The following CSF3R variants were observed in gnomAD, a reference collection of about 807,000 sequenced individuals.
CSF3R encodes the protein colony stimulating factor 3 receptor, also known as granulocyte colony-stimulating factor receptor.
In CSF3R, 52 loss-of-function variants were observed where a neutral mutation model predicts 84.4. The observed-to-expected ratio is 0.62, with a 90% CI of 0.49 to 0.78. The LOEUF (loss-of-function observed/expected upper bound fraction) is 0.78. Among genes scored for constraint, CSF3R ranks in the 30% least tolerant of loss-of-function variants. CSF3R has a pLI of 0.00. For synonymous variants in CSF3R, 384 were observed against 429.1 expected (o/e 0.89, Z 1.30); for missense variants, 890 against 1,055.7 (o/e 0.84, Z 2.17).
chr1:36,475,706 C>A, intron 3 of CSF3R, 33 bp from the exon 4 acceptor site: 2 of 1,592,864 alleles, frequency 1.3e-6, no homozygotes, highest in Non-Finnish European at 1.7e-6. Context: ...AGGAACGACG[C>A]CTCTGCCTAG....
intron 12 of CSF3R, 91 bp downstream of exon 12, chr1:36,469,065 A>G (rs566320564): frequency 1.3e-5 from 12 of 926,172 alleles, no homozygotes; most frequent in Middle Eastern, 3.1e-4. Flanking sequence ...TAGGAAGGCA[A>G]TGTTCCCTAT....
intron 9 of CSF3R, 55 bp from the exon 10 acceptor site, chr1:36,471,701 G>A: frequency 6.3e-7 from 1 of 1,582,278 alleles, no homozygotes; most frequent in South Asian, 1.1e-5. Context: ...CTTGAGTCAA[G>A]GAGAGCCTCT....
rs760172101 is a variant in CSF3R, at chr1:36,468,155, A to T, written c.1643T>A (p.Val548Glu). ...IGKTWAQLEW[V>E]PEPPELGKSP... Reference sequence around the variant, plus strand: ...CTTCCCCAGCTCAGGGGGCTCAGGCACCCACTCCAGCTGTGCCCAGGTCTT... The same window carrying T: ...CTTCCCCAGCTCAGGGGGCTCAGGCTCCCACTCCAGCTGTGCCCAGGTCTT... Residue 548 changes from valine to glutamate, a missense_variant, in exon 13 of 17, where the codon GTG becomes GAG. Physicochemically the swap from Val to Glu is moderately radical, Grantham distance 121 (BLOSUM62 -2). Coordinates refer to ENST00000373106, the MANE Select transcript of CSF3R (RefSeq NM_000760.4). The T allele has an allele frequency of 1.2e-6, 2 of 1,613,472 alleles. No homozygotes were observed. Among genetic ancestry groups the T allele is most frequent in the South Asian group, 2.2e-5 (2 of 90,976 alleles).
chr1:36,473,748 G>A lies in CSF3R; in HGVS notation c.485+16C>T. The A allele has an allele frequency of 6.2e-7, 1 of 1,614,222 alleles. No homozygotes were observed. The highest frequency in any genetic ancestry group is 8.5e-7 in the Non-Finnish European group (1 of 1,180,036). On this transcript the variant is annotated intron_variant, in intron 5 of 16. Coordinates refer to ENST00000373106, the MANE Select transcript of CSF3R (RefSeq NM_000760.4). The stretch of plus-strand genomic sequence containing the variant: ...GAATCCAAAGGGAGGGGACCAAGGT[G>A]GGGGCCCCTCCTCACTTGAAACTCT...
At chr1:36,479,579 T>C in intron 2 of CSF3R, 63 bp from the exon 3 acceptor site, 2 of 1,307,162 alleles carry the variant, frequency 1.5e-6, no homozygotes, top group Non-Finnish European at 2.2e-6. Context: ...TTAATCCTTG[T>C]CTGTCACTGT....
intron 11 of CSF3R, 149 bp from the exon 12 acceptor site, chr1:36,469,406 A>C: frequency 1.3e-6 from 1 of 791,620 alleles, no homozygotes. Flanking sequence ...ATTTGATGAG[A>C]ATTAGGGAAG....
intron 5 of CSF3R, 57 bp downstream of exon 5, chr1:36,473,707 C>A (rs1485834575): frequency 9.9e-6 from 16 of 1,613,918 alleles, no homozygotes; most frequent in African/African-American, 1.3e-5. Flanking sequence ...CAGCATCCTA[C>A]CCATGCCCTA....
chr1:36,467,599 G>A lies in CSF3R; in HGVS notation c.1917C>T (p.Leu639=). The change falls in exon 15 of 17, where the codon CTC becomes CTT. Residue 639 remains leucine (L), a synonymous_variant. Coordinates refer to ENST00000373106, the MANE Select transcript of CSF3R (RefSeq NM_000760.4). The surrounding 1 kb of genome is among the most constrained non-coding windows in gnomAD (Gnocchi z 4.1). ...ILGLFGLLLL[L]TCLCGTAWLC... ...GCCAGGCAGTTCCACAGAGGCAGGTGAGCAACAGCAGGAGGCCGAACAGGC... is the reference window on the plus strand; with the variant it reads ...GCCAGGCAGTTCCACAGAGGCAGGTAAGCAACAGCAGGAGGCCGAACAGGC... 1 of 1,614,168 alleles carries A rather than the reference G, an allele frequency of 6.2e-7. No homozygotes were observed. The highest frequency in any genetic ancestry group is 8.5e-7 in the Non-Finnish European group (1 of 1,180,030).
intron 3 of CSF3R, among the ~76,000 whole-genome samples, chr1:36,476,794 G>T (rs1286399490): frequency 6.6e-6 from 1 of 151,794 alleles, no homozygotes; most frequent in East Asian, 1.9e-4. Flanking sequence ...CTGAGTAGCT[G>T]GGACTACAGG....
rs1176428882 is a variant in CSF3R, at chr1:36,467,808, C to T, written c.1864+14G>A. 4 of 1,614,154 alleles carry T rather than the reference C, an allele frequency of 2.5e-6. No individual in the cohort carries two copies. The highest frequency in any genetic ancestry group is 1.3e-5 in the African/African-American group (1 of 74,954). Reference sequence around the variant, plus strand: ...CCAAACAGCCATCTCTGCCCAGCCCCCGTCTCCCCTTACCTGGGGTCAAGG... The same window carrying T: ...CCAAACAGCCATCTCTGCCCAGCCCTCGTCTCCCCTTACCTGGGGTCAAGG... On this transcript the variant is annotated intron_variant, in intron 14 of 16. Transcript: ENST00000373106. The surrounding 1 kb of genome is among the most constrained non-coding windows in gnomAD (Gnocchi z 4.1).
chr1:36,480,457 G>A (rs886692746), intron 2 of CSF3R, among the ~76,000 whole-genome samples: 3 of 152,206 alleles, frequency 2.0e-5, no homozygotes, highest in African/African-American at 7.2e-5. Context: ...CTGGATGGAG[G>A]GTGCCTTGGC....
intron 12 of CSF3R, 40 bp from the exon 13 acceptor site, chr1:36,468,261 G>T: frequency 6.5e-7 from 1 of 1,532,720 alleles, no homozygotes. Context: ...AGGGAGTGGG[G>T]CAGAGCAAGA....
intron 12 of CSF3R, 95 bp from the exon 13 acceptor site, chr1:36,468,316 T>G (rs1570580042): frequency 1.5e-6 from 2 of 1,357,492 alleles, no homozygotes; most frequent in Non-Finnish European, 2.0e-6. Flanking sequence ...GTGGGGTGGG[T>G]GAGAAAAGAG....
At chr1:36,477,958 C>T (rs953228917) in intron 3 of CSF3R, among the ~76,000 whole-genome samples, 2 of 151,246 alleles carry the variant, frequency 1.3e-5, no homozygotes, top group African/African-American at 4.8e-5. Flanking sequence ...CAGGGTTTCA[C>T]TGTGTTCACC....
rs1247905448 is a variant in CSF3R, at chr1:36,475,711, G to A, written c.65-38C>T. 3 of 1,583,340 alleles carry A rather than the reference G, an allele frequency of 1.9e-6. No homozygotes were observed. In the Admixed American group the frequency reaches 5.2e-5, roughly 27 times the overall value. ...AGAATGGGCCAGGAACGACGCCTCT[G>A]CCTAGCAGAGCTGGGCTATAATCTA... On this transcript the variant is annotated intron_variant, in intron 3 of 16. Transcript: ENST00000373106.
intron 10 of CSF3R, among the ~76,000 whole-genome samples, chr1:36,470,261 T>C (rs900093359): frequency 1.3e-5 from 2 of 152,218 alleles, no homozygotes; most frequent in African/African-American, 4.8e-5. Context: ...CTCGGCTCAT[T>C]GCAACCTCCA....
In CSF3R at chr1:36,478,048, G is replaced by A. The variant is rs1002261346; in HGVS notation, c.64+1385C>T. 2.0e-5 allele frequency among the ~76,000 whole-genome samples: 3 copies of A among 151,980 alleles called. No homozygotes were observed. The East Asian group carries it at 5.8e-4, about 30-fold the overall frequency. On this transcript the variant is annotated intron_variant, in intron 3 of 16. Transcript: ENST00000373106. ...GCTGGGATTACAGGCGTGAGCCACC[G>A]CGCCCGGCCCAGACTCAGGATTTCA...
rs757380490 is a variant in CSF3R at position 36,475,545 on chromosome 1, G to A, written c.193C>T (p.Leu65=). ...LDPEPQILWR[L]GAELQPGGRQ... The stretch of plus-strand genomic sequence containing the variant: ...CCCCCGGGCTGAAGCTCTGCTCCCA[G>A]TCTCCACAGAATCTGTGGCTCCGGG... Residue 65 remains leucine (L), a synonymous_variant, in exon 4 of 17, where the codon CTG becomes TTG. Transcript: ENST00000373106. The A allele has an allele frequency of 3.7e-6, 6 of 1,614,030 alleles. No homozygotes were observed. Among genetic ancestry groups the A allele is most frequent in the African/African-American group, 2.7e-5 (2 of 74,916 alleles).
rs1287206339 is a variant in CSF3R at position 36,469,183 on chromosome 1, G to T, written c.1549C>A (p.His517Asn). 1.2e-6 allele frequency: 2 copies of T among 1,614,008 alleles called. No individual in the cohort carries two copies. Among genetic ancestry groups the T allele is most frequent in the East Asian group, 4.5e-5 (2 of 44,876 alleles). The change falls in exon 12 of 17, where the codon CAT (histidine) becomes AAT (asparagine). Residue 517 changes from histidine (H) to asparagine (N), a missense_variant. Transcript: ENST00000373106. ...LYQDTMGPSQHVYAYSQEMAP... is the reference protein window; with the variant it reads ...LYQDTMGPSQNVYAYSQEMAP... The stretch of plus-strand genomic sequence containing the variant: ...ATTTCTTGAGAGTAGGCATAGACAT[G>T]CTGGGAGGGTCCCATGGTGTCCTGG...
Sources: gnomAD v4.1 joint callset for allele counts (sites outside exome capture counted in the v4.1 genomes callset) on GRCh38, gnomAD v4.1.1 for gene constraint, Gnocchi (gnomAD v3.1) non-coding constraint, MANE v1.5 for transcripts, NCBI Gene and HGNC (gene_info 2026-07-23, HGNC 2026-07-21) for gene names.